Variants in NMRK1 observed in about 807,000 individuals in gnomAD.
The protein encoded by NMRK1 is nicotinamide riboside kinase 1.
NMRK1 carries 28 observed loss-of-function variants against 29.9 expected under a neutral mutation model. The observed-to-expected ratio is 0.94, with a 90% CI of 0.69 to 1.28. NMRK1 has a LOEUF of 1.28. NMRK1 is among the 50% of genes most tolerant of loss of function. The pLI, the probability that NMRK1 is intolerant of heterozygous loss-of-function variation, is 0.00. For missense variants in NMRK1, 218 were observed against 233.1 expected (o/e 0.94, Z 0.42); for synonymous variants, 58 against 73.0 (o/e 0.79, Z 1.05).
rs530649354 is a variant in NMRK1 at position 75,088,095 on chromosome 9, C to T, written c.-123G>A. 2 of 152,816 alleles carry T rather than the reference C, an allele frequency of 1.3e-5. No individual in the cohort carries two copies. Among genetic ancestry groups the T allele is most frequent in the Admixed American group, 1.3e-4 (2 of 15,298 alleles). The allele number at this position is 152,816 out of a possible 1,614,324, so 9.5% of individuals were successfully genotyped here. On this transcript the variant is annotated 5_prime_UTR_variant, in exon 1 of 9. Transcript: ENST00000361092. ...ACCCAGTGCGCCGCTACCCGCAGCT[C>T]GCTCCCCGAGAGGCCCACAGCCCCT...
chr9:75,082,043 C>T (rs1404030624), intron 2 of NMRK1, among the ~76,000 whole-genome samples: 1 of 152,226 alleles, frequency 6.6e-6, no homozygotes, highest in Admixed American at 6.5e-5. Context: ...TCCTTTATTA[C>T]TTACAGATGG....
At chr9:75,066,213 C>A (rs752713331) in intron 8 of NMRK1, 31 of 504,166 alleles carry the variant, frequency 6.1e-5, no homozygotes, top group Admixed American at 1.0e-4. Flanking sequence ...AGCCTGAAGC[C>A]ACCATTACCC....
In NMRK1 at chr9:75,060,897, A is replaced by ACACT. The variant is rs1449957111; in HGVS notation, c.*650_*651insAGTG. ...CACACACACACACACACACACACAC[A>ACACT]CTCAACAAAATACACAAATAATCCT... On this transcript the variant is annotated 3_prime_UTR_variant, in exon 9 of 9. Transcript: ENST00000361092. 1.4e-5 allele frequency: 2 copies of ACACT among 140,618 alleles called. No homozygotes were observed. Among genetic ancestry groups the ACACT allele is most frequent in the African/African-American group, 5.4e-5 (2 of 37,186 alleles). 8.7% of individuals were successfully genotyped at this position (140,618 alleles called of 1,614,324 possible).
At chr9:75,077,654 G>C in intron 2 of NMRK1, 74 bp from the exon 3 acceptor site, 1 of 1,043,920 alleles carries the variant, frequency 9.6e-7, no homozygotes, top group Non-Finnish European at 1.5e-6. Context: ...TTTTTTTTGA[G>C]AGACAGGGTC....
chr9:75,083,660 T>C (rs1235186182), intron 1 of NMRK1, among the ~76,000 whole-genome samples: 3 of 152,198 alleles, frequency 2.0e-5, no homozygotes, highest in Non-Finnish European at 4.4e-5. Context: ...AAGTTACTGC[T>C]GGCCAGAGGC....
intron 7 of NMRK1, 76 bp downstream of exon 7, chr9:75,068,920 A>C (rs972218978): frequency 2.1e-6 from 2 of 962,638 alleles, no homozygotes; most frequent in Non-Finnish European, 3.3e-6. Context: ...ATACTTTTCT[A>C]TGAGTCCTTT....
chr9:75,075,371 G>C (rs1441974573), intron 4 of NMRK1, among the ~76,000 whole-genome samples: 2 of 152,090 alleles, frequency 1.3e-5, no homozygotes, highest in African/African-American at 2.4e-5. Context: ...AAATGATCCT[G>C]GCTGCAACTC....
chr9:75,063,480 G>A (rs1441627839), intron 8 of NMRK1, among the ~76,000 whole-genome samples: 1 of 152,042 alleles, frequency 6.6e-6, no homozygotes, highest in Non-Finnish European at 1.5e-5. Flanking sequence ...GTTTTAGTAA[G>A]AATAAGGAAA....
At chr9:75,083,587 G>A (rs1824448034) in intron 1 of NMRK1, among the ~76,000 whole-genome samples, 1 of 152,214 alleles carries the variant, frequency 6.6e-6, no homozygotes, top group African/African-American at 2.4e-5. Context: ...AAAAGTCACT[G>A]CTGACCAGAG....
intron 4 of NMRK1, 77 bp from the exon 5 acceptor site, chr9:75,070,119 C>T: frequency 8.7e-7 from 1 of 1,145,138 alleles, no homozygotes; most frequent in Non-Finnish European, 1.2e-6. Context: ...ATGAGTATAT[C>T]CAGGATTCTG....
At chr9:75,070,734 T>C (rs902285221) in intron 4 of NMRK1, among the ~76,000 whole-genome samples, 3 of 152,212 alleles carry the variant, frequency 2.0e-5, no homozygotes, top group Admixed American at 1.3e-4. Flanking sequence ...GAGTGTTTTT[T>C]AGTGGAAGGT....
At chr9:75,078,288 G>A (rs1824119738) in intron 2 of NMRK1, 1 of 1,552,904 alleles carries the variant, frequency 6.4e-7, no homozygotes, top group Admixed American at 1.9e-5. Flanking sequence ...AGGCACAGTG[G>A]AAAAAACAGA....
chr9:75,074,825 T>G (rs1439136379), intron 4 of NMRK1, among the ~76,000 whole-genome samples: 2 of 152,256 alleles, frequency 1.3e-5, no homozygotes, highest in Admixed American at 1.3e-4. Context: ...AAGCCTTGAC[T>G]AGTACTTTGA....
intron 1 of NMRK1, among the ~76,000 whole-genome samples, chr9:75,084,667 G>A (rs569425978): frequency 6.6e-6 from 1 of 152,308 alleles, no homozygotes; most frequent in East Asian, 1.9e-4. Flanking sequence ...GCATGCTCCT[G>A]TAGTCCCAGC....
intron 8 of NMRK1, among the ~76,000 whole-genome samples, chr9:75,063,305 C>CAAAAAA (rs35418961): frequency 1.7e-5 from 2 of 119,612 alleles, no homozygotes; most frequent in Non-Finnish European, 3.5e-5. Flanking sequence ...GACTCCATCT[C>CAAAAAA]AAAAAAAAAA....
chr9:75,066,903 T>C, intron 7 of NMRK1, 63 bp from the exon 8 acceptor site: 1 of 872,118 alleles, frequency 1.1e-6, no homozygotes, highest in Non-Finnish European at 1.8e-6. Context: ...AATGTTTACT[T>C]TGACACCCAA....
chr9:75,083,573 A>C (rs1014583245), intron 1 of NMRK1, among the ~76,000 whole-genome samples: 9 of 152,208 alleles, frequency 5.9e-5, no homozygotes, highest in Non-Finnish European at 1.3e-4. Context: ...TCATGAGACA[A>C]GGAAAAAGTC....
At chr9:75,064,535 G>A (rs925180845) in intron 8 of NMRK1, among the ~76,000 whole-genome samples, 6 of 152,230 alleles carry the variant, frequency 3.9e-5, no homozygotes, top group African/African-American at 7.2e-5. Context: ...AGGAGTGGGC[G>A]GGCATATCTG....
intron 2 of NMRK1, 95 bp from the exon 3 acceptor site, chr9:75,077,675 A>T: frequency 1.2e-6 from 1 of 858,802 alleles, no homozygotes; most frequent in Non-Finnish European, 1.9e-6. Flanking sequence ...TCGCTGTGTC[A>T]CCAAGGCTGG....
Sources: gnomAD v4.1 joint callset for allele counts (sites outside exome capture counted in the v4.1 genomes callset) on GRCh38, gnomAD v4.1.1 for gene constraint, MANE v1.5 for transcripts, NCBI Gene and HGNC (gene_info 2026-07-23, HGNC 2026-07-21) for gene names.